The following GPR158 variants were observed in gnomAD, a reference collection of about 807,000 sequenced individuals.
GPR158 encodes G protein-coupled receptor 158.
In GPR158, 30 loss-of-function variants were observed where a neutral mutation model predicts 78.2. The observed-to-expected ratio is 0.38, with a 90% CI of 0.29 to 0.52. The LOEUF is 0.52. Among genes scored for constraint, GPR158 ranks in the 20% least tolerant of loss-of-function variants. The pLI is 0.83. For missense variants in GPR158, 1,463 were observed against 1,523.5 expected (o/e 0.96, Z 0.66); for synonymous variants, 581 against 591.1 (o/e 0.98, Z 0.25).
chr10:25,285,616 T>A (rs1854339863), intron 2 of GPR158, among the ~76,000 whole-genome samples: 1 of 152,188 alleles, frequency 6.6e-6, no homozygotes, highest in Admixed American at 6.5e-5. Context: ...TTCCTTTGTT[T>A]GTTTTTTTCC....
intron 5 of GPR158, among the ~76,000 whole-genome samples, chr10:25,528,558 T>A (rs1293200348): frequency 2.0e-5 from 3 of 152,022 alleles, no homozygotes; most frequent in Non-Finnish European, 4.4e-5. Context: ...AAGCACTAAA[T>A]ACATACAAGT....
At chr10:25,319,883 G>A (rs370455478) in intron 2 of GPR158, among the ~76,000 whole-genome samples, 1 of 150,250 alleles carries the variant, frequency 6.7e-6, no homozygotes, top group Admixed American at 6.7e-5. Flanking sequence ...GAAAAATAAG[G>A]GTTCAAAATC....
intron 2 of GPR158, among the ~76,000 whole-genome samples, chr10:25,300,648 G>A (rs1588784591): frequency 6.6e-6 from 1 of 152,100 alleles, no homozygotes; most frequent in African/African-American, 2.4e-5. Context: ...AGGTCGTCAC[G>A]AAACTTGCTT....
At chr10:25,492,310 T>C (rs923321845) in intron 5 of GPR158, among the ~76,000 whole-genome samples, 10 of 152,296 alleles carry the variant, frequency 6.6e-5, no homozygotes, top group South Asian at 2.1e-4. Context: ...ACTATTCAAA[T>C]AGAAAACAGG....
At chr10:25,194,525 C>A (rs1018601875) in intron 1 of GPR158, among the ~76,000 whole-genome samples, 1 of 151,806 alleles carries the variant, frequency 6.6e-6, no homozygotes, top group Non-Finnish European at 1.5e-5. Context: ...GGTGACAGAG[C>A]AAGACTTCAT....
intron 4 of GPR158, among the ~76,000 whole-genome samples, chr10:25,428,883 C>T (rs551065947): frequency 6.6e-6 from 1 of 152,128 alleles, no homozygotes; most frequent in South Asian, 2.1e-4. Flanking sequence ...ACCTGAAGTG[C>T]TAGGCTTGAA....
intron 5 of GPR158, among the ~76,000 whole-genome samples, chr10:25,477,029 A>G (rs1341192537): frequency 6.6e-6 from 1 of 152,160 alleles, no homozygotes; most frequent in African/African-American, 2.4e-5. Context: ...GGTTGGTTTT[A>G]GTGGTGTAGA....
chr10:25,401,580 A>G (rs181529886), intron 3 of GPR158, among the ~76,000 whole-genome samples: 1 of 152,174 alleles, frequency 6.6e-6, no homozygotes, highest in Admixed American at 6.5e-5. Context: ...TGAAATACTA[A>G]TTTATTAGAC....
chr10:25,521,252 G>T (rs908181828), intron 5 of GPR158, among the ~76,000 whole-genome samples: 1 of 152,196 alleles, frequency 6.6e-6, no homozygotes, highest in African/African-American at 2.4e-5. Context: ...CCACTGGCCT[G>T]CGCCCACTGT....
At position 25,289,297 on chromosome 10, in the gene GPR158, A is replaced by T. The variant is rs1008498693; in HGVS notation, c.1008+68140A>T. ...GATGTGTAAATAATTATGACATGCAATAAAATGTATTAAAGTTTAATATAG... is the reference window on the plus strand; with the variant it reads ...GATGTGTAAATAATTATGACATGCATTAAAATGTATTAAAGTTTAATATAG... On this transcript the variant is annotated intron_variant, in intron 2 of 10. Coordinates refer to ENST00000376351, the MANE Select transcript of GPR158 (RefSeq NM_020752.3). Among the ~76,000 whole-genome samples, 7 of 152,220 alleles carry T rather than the reference A, an allele frequency of 4.6e-5. 1 individual carries two copies. The highest frequency in any genetic ancestry group is 4.6e-4 in the Admixed American group (7 of 15,278).
chr10:25,304,427 A>G (rs529295619), intron 2 of GPR158, among the ~76,000 whole-genome samples: 1 of 152,226 alleles, frequency 6.6e-6, no homozygotes, highest in African/African-American at 2.4e-5. Context: ...TGGCTCCAGA[A>G]GAAGAGAGCC....
intron 4 of GPR158, among the ~76,000 whole-genome samples, chr10:25,439,196 A>G (rs1588864975): frequency 6.6e-6 from 1 of 152,072 alleles, no homozygotes; most frequent in South Asian, 2.1e-4. Context: ...ACAGTTCCAC[A>G]TGGTTGGGGA....
intron 5 of GPR158, among the ~76,000 whole-genome samples, chr10:25,490,753 A>G (rs2130646895): frequency 6.7e-6 from 1 of 148,170 alleles, no homozygotes; most frequent in East Asian, 2.1e-4. Flanking sequence ...CAATAAACAT[A>G]TGTGTGCATG....
At chr10:25,233,810 A>G (rs555172946) in intron 2 of GPR158, among the ~76,000 whole-genome samples, 1 of 152,348 alleles carries the variant, frequency 6.6e-6, no homozygotes, top group South Asian at 2.1e-4. Flanking sequence ...ATAGAAACAG[A>G]TTAAATGCAG....
intron 2 of GPR158, among the ~76,000 whole-genome samples, chr10:25,230,714 C>T (rs1382132686): frequency 6.6e-6 from 1 of 152,064 alleles, no homozygotes; most frequent in East Asian, 1.9e-4. Context: ...CTCTGTTTAC[C>T]TCAATGTAAC....
intron 2 of GPR158, among the ~76,000 whole-genome samples, chr10:25,270,464 A>G (rs1854103359): frequency 6.6e-6 from 1 of 152,170 alleles, no homozygotes; most frequent in Admixed American, 6.6e-5. Flanking sequence ...AGGAGGAGAT[A>G]TAAGAAAAGC....
intron 2 of GPR158, among the ~76,000 whole-genome samples, chr10:25,350,387 A>G (rs1855442250): frequency 1.3e-5 from 2 of 152,064 alleles, no homozygotes; most frequent in South Asian, 4.1e-4. Context: ...TTCTTTCTCT[A>G]ATATACATTG....
intron 4 of GPR158, among the ~76,000 whole-genome samples, chr10:25,448,317 T>C (rs527485230): frequency 3.1e-4 from 47 of 152,000 alleles, no homozygotes; most frequent in Admixed American, 4.6e-4. Context: ...GTCTCGATCT[T>C]CTGACCTCAT....
At chr10:25,581,238 A>G (rs1383891868) in intron 7 of GPR158, among the ~76,000 whole-genome samples, 3 of 152,158 alleles carry the variant, frequency 2.0e-5, no homozygotes, top group African/African-American at 7.2e-5. Flanking sequence ...CTAATTTTTA[A>G]AACATTATTT....
Sources: allele counts gnomAD v4.1 joint callset (sites outside exome capture counted in the v4.1 genomes callset), GRCh38; gene constraint gnomAD v4.1.1; transcripts MANE v1.5; gene names NCBI Gene and HGNC (gene_info 2026-07-23, HGNC 2026-07-21).